The following POLA2 variants were observed in gnomAD, a reference collection of about 807,000 sequenced individuals.
POLA2 encodes DNA polymerase alpha 2, accessory subunit.
In POLA2, 47 loss-of-function variants were observed where a neutral mutation model predicts 82.8. The observed-to-expected ratio is 0.57, with a 90% confidence interval of 0.45 to 0.72. The LOEUF (loss-of-function observed/expected upper bound fraction) is 0.72, where lower values mean the gene tolerates loss of function less well. Among genes scored for constraint, POLA2 ranks in the 30% least tolerant of loss-of-function variants. The pLI is 0.00. For synonymous variants in POLA2, 287 were observed against 286.8 expected (o/e 1.00, Z -0.01); for missense variants, 634 against 728.1 (o/e 0.87, Z 1.49).
intron 4 of POLA2, among the ~76,000 whole-genome samples, chr11:65,274,168 A>G (rs928173250): frequency 2.0e-5 from 3 of 151,850 alleles, no homozygotes; most frequent in African/African-American, 7.3e-5. Flanking sequence ...CCTGACCAAC[A>G]TGGCGAAACT....
downstream of POLA2, among the ~76,000 whole-genome samples, chr11:65,302,425 C>G (rs895920510): frequency 1.3e-5 from 2 of 152,112 alleles, no homozygotes; most frequent in African/African-American, 4.8e-5. Flanking sequence ...ACCCTGCCCT[C>G]CCACCACCTG....
rs1401337654 is a variant in POLA2, at chr11:65,295,944, C to T, written c.1601C>T (p.Thr534Ile). ...SFYVYAQLPV[T>I]PDVLIIPSEL... ...TATGTTTACGCACAGCTGCCTGTCA[C>T]CCCAGATGTCCTCATCATCCCGTCA... The change falls in exon 17 of 18, where the codon ACC becomes ATC. Residue 534 changes from threonine to isoleucine, a missense_variant. Thr to Ile is a moderately conservative substitution (Grantham distance 89, BLOSUM62 -1). Transcript: ENST00000265465. 6.2e-7 allele frequency: 1 copy of T among 1,614,026 alleles called. No individual in the cohort carries two copies. Among genetic ancestry groups the T allele is most frequent in the African/African-American group, 1.3e-5 (1 of 74,918 alleles).
chr11:65,281,288 C>T, intron 8 of POLA2, 141 bp downstream of exon 8: 1 of 894,240 alleles, frequency 1.1e-6, no homozygotes. Context: ...AGAGCAGACA[C>T]CACTGTTGGG....
At chr11:65,289,568 C>CT (rs1189731609) in intron 12 of POLA2, among the ~76,000 whole-genome samples, 3 of 152,236 alleles carry the variant, frequency 2.0e-5, no homozygotes, top group African/African-American at 4.8e-5. Context: ...TCAAAGTACT[C>CT]TTTCTTTTAG....
Position 65,275,992 on chromosome 11 carries a change from C to T in POLA2, c.455C>T (p.Ser152Phe), listed in dbSNP as rs766679577. The change falls in exon 5 of 18, where the codon TCT (serine) becomes TTT (phenylalanine). Residue 152 changes from serine to phenylalanine, a missense_variant. By Grantham distance (155) the Ser-to-Phe change is radical (BLOSUM62 -2). Transcript: ENST00000265465. ...CAGCTACTCTCACCGTCAAGTTTCT[C>T]TCCAAGGTATGGATCATAATTCATT... ...PHQLLSPSSFSPSATPSQKYN... is the reference protein window; with the variant it reads ...PHQLLSPSSFFPSATPSQKYN... 8.2e-6 allele frequency: 13 copies of T among 1,591,036 alleles called. No homozygotes were observed. Among genetic ancestry groups the T allele is most frequent in the Non-Finnish European group, 1.0e-5 (12 of 1,164,686 alleles).
At chr11:65,301,410 A>G (rs1029411873), downstream of POLA2, among the ~76,000 whole-genome samples, 52 of 151,978 alleles carry the variant, frequency 3.4e-4, no homozygotes, top group Admixed American at 3.3e-3. Flanking sequence ...GGTAGCATGT[A>G]GCAAAGGGGT....
At chr11:65,278,976 T>C in intron 6 of POLA2, 53 bp downstream of exon 6, 1 of 1,514,082 alleles carries the variant, frequency 6.6e-7, no homozygotes, top group Non-Finnish European at 9.0e-7. Flanking sequence ...CCTAGAAGGG[T>C]GTAGAGTAAC....
At chr11:65,289,929 C>T in intron 13 of POLA2, 57 bp downstream of exon 13, 2 of 1,173,126 alleles carry the variant, frequency 1.7e-6, no homozygotes, top group Non-Finnish European at 2.5e-6. Context: ...TCCAGAGCTT[C>T]CCATTAAGAA....
At chr11:65,263,499 C>A (rs1208339444) in intron 1 of POLA2, among the ~76,000 whole-genome samples, 1 of 152,118 alleles carries the variant, frequency 6.6e-6, no homozygotes, top group African/African-American at 2.4e-5. Context: ...GCTGGGATTA[C>A]AGGCATAAGC....
intron 3 of POLA2, 49 bp from the exon 4 acceptor site, chr11:65,268,623 T>C (rs760554172): frequency 8.3e-7 from 1 of 1,210,652 alleles, no homozygotes; most frequent in Non-Finnish European, 1.2e-6. Context: ...ATTACAGGCA[T>C]GAGCTACCGT....
chr11:65,264,754 C>T (rs192241909), intron 1 of POLA2, among the ~76,000 whole-genome samples: 1 of 152,360 alleles, frequency 6.6e-6, no homozygotes, highest in East Asian at 1.9e-4. Flanking sequence ...GAGTCCTAAA[C>T]CCCATTCCTT....
At chr11:65,269,601 G>A (rs1344783299) in intron 4 of POLA2, among the ~76,000 whole-genome samples, 1 of 152,278 alleles carries the variant, frequency 6.6e-6, no homozygotes, top group South Asian at 2.1e-4. Context: ...GACAGCCAGT[G>A]CACAATATCC....
rs34183279 is a variant in POLA2 at position 65,290,248 on chromosome 11, C to CAAA, written c.1244+394_1244+396dup. 4.2e-5 allele frequency among the ~76,000 whole-genome samples: 3 copies of CAAA among 71,236 alleles called. No homozygotes were observed. In the Admixed American group the frequency reaches 4.8e-4, roughly 11 times the overall value. 46.7% of individuals were successfully genotyped at this position (71,236 alleles called of 152,430 possible). ...AGGCAAAAAGAGCGCAACTCCATCTCAAAAAAAAAAAAAAAAAAAAGCTGG... is the reference window on the plus strand; with the variant it reads ...AGGCAAAAAGAGCGCAACTCCATCTCAAAAAAAAAAAAAAAAAAAAAAAGCTGG... On this transcript the variant is annotated intron_variant, in intron 13 of 17. Coordinates refer to ENST00000265465, the MANE Select transcript of POLA2 (RefSeq NM_002689.4).
chr11:65,294,078 C>G, intron 13 of POLA2, 75 bp from the exon 14 acceptor site: 2 of 1,284,108 alleles, frequency 1.6e-6, no homozygotes, highest in East Asian at 4.6e-5. Flanking sequence ...TGAGGCATCC[C>G]ACCTGTTGCG....
At chr11:65,281,236 C>G in intron 8 of POLA2, 89 bp downstream of exon 8, 2 of 1,352,826 alleles carry the variant, frequency 1.5e-6, no homozygotes, top group Non-Finnish European at 2.1e-6. Flanking sequence ...CTCCTCAGTT[C>G]CTGTCTCTGC....
chr11:65,268,149 G>A (rs551837848), intron 3 of POLA2, among the ~76,000 whole-genome samples: 8 of 151,908 alleles, frequency 5.3e-5, no homozygotes, highest in African/African-American at 1.9e-4. Flanking sequence ...TACGCCTGTA[G>A]ATCCAGCTAG....
chr11:65,297,059 T>G, intron 17 of POLA2, 61 bp from the exon 18 acceptor site: 1 of 1,588,378 alleles, frequency 6.3e-7, no homozygotes, highest in Non-Finnish European at 8.6e-7. Flanking sequence ...CACTTCTTTT[T>G]CACATTGGTT....
At chr11:65,305,521 A>T (rs1235467476) in exon 9 of POLA2, 2 of 403,916 alleles carry the variant, frequency 5.0e-6, no homozygotes, top group Non-Finnish European at 9.8e-6. Flanking sequence ...CAAAATGACC[A>T]CTGCAAGCTG....
intron 4 of POLA2, among the ~76,000 whole-genome samples, chr11:65,273,675 A>G (rs1035326855): frequency 6.6e-6 from 1 of 152,220 alleles, no homozygotes; most frequent in South Asian, 2.1e-4. Context: ...TATAAAAAAA[A>G]TAAAGGCAGG....
Sources: gnomAD v4.1 joint callset for allele counts (sites outside exome capture counted in the v4.1 genomes callset) on GRCh38, gnomAD v4.1.1 for gene constraint, MANE v1.5 for transcripts, NCBI Gene and HGNC (gene_info 2026-07-23, HGNC 2026-07-21) for gene names.